Variants in PUM2 observed in about 807,000 individuals in gnomAD.
The protein encoded by PUM2 is pumilio RNA binding family member 2.
A neutral mutation model predicts 124.5 loss-of-function variants in PUM2; 57 were observed. That is an observed-to-expected ratio of 0.46 (90% CI 0.37 to 0.57). PUM2 has a LOEUF of 0.57. Ranked by LOEUF, PUM2 falls within the 20% of genes least tolerant of loss-of-function variation. PUM2 has a pLI of 0.00. For synonymous variants in PUM2, 460 were observed against 446.1 expected (o/e 1.03, Z -0.39); for missense variants, 1,065 against 1,290.6 (o/e 0.83, Z 2.68).
At chr2:20,306,684 C>T (rs1175068415) in intron 7 of PUM2, among the ~76,000 whole-genome samples, 1 of 149,762 alleles carries the variant, frequency 6.7e-6, no homozygotes, top group Admixed American at 6.7e-5. Context: ...TCTTGCTTCA[C>T]TGCAGCCTCC....
chr2:20,255,022 T>TG, intron 18 of PUM2, 38 bp from the exon 19 acceptor site: 2 of 1,585,174 alleles, frequency 1.3e-6, no homozygotes, highest in Admixed American at 1.7e-5. Context: ...CCCTAAGTCA[T>TG]TCCTTAAGAA....
At chr2:20,330,769 A>C (rs1163163504) in intron 1 of PUM2, among the ~76,000 whole-genome samples, 1 of 152,248 alleles carries the variant, frequency 6.6e-6, no homozygotes, top group Admixed American at 6.5e-5. Context: ...ACAGCTGGTC[A>C]GTGAGAAGTC....
chr2:20,335,858 C>T (rs1014748166), intron 1 of PUM2, among the ~76,000 whole-genome samples: 19 of 152,178 alleles, frequency 1.2e-4, no homozygotes, highest in Admixed American at 3.3e-4. Context: ...TTAGACAAAT[C>T]TATATATGTG....
chr2:20,320,278 G>C (rs1397271225), intron 2 of PUM2, among the ~76,000 whole-genome samples: 1 of 151,798 alleles, frequency 6.6e-6, no homozygotes, highest in Non-Finnish European at 1.5e-5. Context: ...CAAAAAAGAG[G>C]GTACTAGCAG....
chr2:20,339,951 T>G (rs1172171853), intron 1 of PUM2, among the ~76,000 whole-genome samples: 1 of 152,108 alleles, frequency 6.6e-6, no homozygotes, highest in Non-Finnish European at 1.5e-5. Context: ...TCATTTCATC[T>G]AGATTAGTTC....
In PUM2 at chr2:20,334,606, G is replaced by A. The variant is rs563505185; in HGVS notation, c.-18-7228C>T. On this transcript the variant is annotated intron_variant, in intron 1 of 20. Coordinates refer to ENST00000361078, the MANE Select transcript of PUM2 (RefSeq NM_015317.5). ...CCATATTTTATGAAATGTGAATTCC[G>A]ATCATAAAATCAATTAGTATCTGGA... is the stretch of plus-strand genomic sequence containing the variant. 1.8e-4 allele frequency among the ~76,000 whole-genome samples: 27 copies of A among 152,158 alleles called. 1 individual carries two copies. In the South Asian group the frequency reaches 3.7e-3, roughly 21 times the overall value.
chr2:20,294,701 T>G (rs1400572293), intron 8 of PUM2, among the ~76,000 whole-genome samples, 183 bp from the exon 9 acceptor site: 1 of 152,162 alleles, frequency 6.6e-6, no homozygotes, highest in Non-Finnish European at 1.5e-5. Context: ...AAGATGAGAA[T>G]CCATCCTCAA....
chr2:20,255,286 T>C lies in PUM2; in HGVS notation c.2678A>G (p.Glu893Gly). The change falls in exon 18 of 21, where the codon GAG (glutamate) becomes GGG (glycine). Residue 893 changes from glutamate (E) to glycine (G), a missense_variant. Coordinates refer to ENST00000361078, the MANE Select transcript of PUM2 (RefSeq NM_015317.5). ...TAAGGTCTGTTCTGCAGTGCAATGC[T>C]CTAGGATGCGCTGAATTACTCTGCA... ...YGCRVIQRIL[E>G]HCTAEQTLPI... 6.2e-7 allele frequency: 1 copy of C among 1,609,952 alleles called. No individual in the cohort carries two copies. Among genetic ancestry groups the C allele is most frequent in the African/African-American group, 1.3e-5 (1 of 74,968 alleles).
chr2:20,267,768 G>A (rs1668047952), intron 13 of PUM2, among the ~76,000 whole-genome samples: 1 of 152,162 alleles, frequency 6.6e-6, no homozygotes, highest in African/African-American at 2.4e-5. Context: ...AGTCAGCCAA[G>A]ACCCTTAGGC....
At chr2:20,305,684 C>T (rs994810905) in intron 7 of PUM2, among the ~76,000 whole-genome samples, 2 of 151,772 alleles carry the variant, frequency 1.3e-5, no homozygotes, top group Non-Finnish European at 2.9e-5. Context: ...AATGGGAAGA[C>T]GATTCAACTA....
intron 1 of PUM2, among the ~76,000 whole-genome samples, chr2:20,344,592 C>G (rs188504000): frequency 7.1e-4 from 108 of 152,288 alleles, no homozygotes; most frequent in African/African-American, 2.4e-3. Context: ...ACCTTAAACT[C>G]TTGTCATTCT....
intron 10 of PUM2, among the ~76,000 whole-genome samples, chr2:20,287,528 G>T (rs1673017681): frequency 6.6e-6 from 1 of 152,158 alleles, no homozygotes; most frequent in Admixed American, 6.5e-5. Flanking sequence ...ACATGAGCTA[G>T]GACTAGAGGC....
At chr2:20,337,773 C>A (rs2149025283) in intron 1 of PUM2, among the ~76,000 whole-genome samples, 1 of 152,202 alleles carries the variant, frequency 6.6e-6, no homozygotes, top group South Asian at 2.1e-4. Context: ...AAAATTTTCC[C>A]AAAAACTGAT....
intron 13 of PUM2, 78 bp from the exon 14 acceptor site, chr2:20,263,538 T>A: frequency 6.9e-7 from 1 of 1,449,466 alleles, no homozygotes; most frequent in Non-Finnish European, 9.4e-7. Flanking sequence ...AGCTACAAAT[T>A]CAGTCAATAA....
At position 20,290,716 on chromosome 2, in the gene PUM2, A is replaced by G. The variant is rs1673843911; in HGVS notation, c.1227T>C (p.Leu409=). 1 of 1,613,760 alleles carries G rather than the reference A, an allele frequency of 6.2e-7. No individual in the cohort carries two copies. Among genetic ancestry groups the G allele is most frequent in the East Asian group, 2.2e-5 (1 of 44,852 alleles). ...TTGGATTTGCTGCTGCAGCTGCCGC[A>G]AGTGATTCTGCTTGCTGCCCTTGCT... ...QGQQGQQAES[L]AAAAAANPTL... The change falls in exon 10 of 21, where the codon CTT becomes CTC. Residue 409 remains leucine, a synonymous_variant. Transcript: ENST00000361078.
At chr2:20,351,908 AT>A (rs1689379200), upstream of PUM2, among the ~76,000 whole-genome samples, 1 of 152,126 alleles carries the variant, frequency 6.6e-6, no homozygotes, top group Non-Finnish European at 1.5e-5. Context: ...GTTTTTAACT[AT>A]TACTGAAAAA....
intron 1 of PUM2, among the ~76,000 whole-genome samples, chr2:20,336,028 T>C (rs1410396464): frequency 1.5e-5 from 2 of 133,048 alleles, no homozygotes; most frequent in Non-Finnish European, 3.3e-5. Context: ...TTGAAAAATA[T>C]ACTACTTAGA....
At chr2:20,304,029 TGA>T (rs1483301053) in intron 7 of PUM2, among the ~76,000 whole-genome samples, 1 of 152,238 alleles carries the variant, frequency 6.6e-6, no homozygotes, top group East Asian at 1.9e-4. Flanking sequence ...TTATCTTACA[TGA>T]GAGTTTCTCT....
intron 8 of PUM2, among the ~76,000 whole-genome samples, chr2:20,295,903 C>T (rs1408997404): frequency 6.6e-6 from 1 of 152,144 alleles, no homozygotes; most frequent in South Asian, 2.1e-4. Flanking sequence ...TGTATTTCTA[C>T]TGGACAATGC....
Sources: allele counts gnomAD v4.1 joint callset (sites outside exome capture counted in the v4.1 genomes callset), GRCh38; gene constraint gnomAD v4.1.1; transcripts MANE v1.5; gene names NCBI Gene and HGNC (gene_info 2026-07-23, HGNC 2026-07-21).